The following GAS7 variants were observed in gnomAD, a reference collection of about 807,000 sequenced individuals.
GAS7 encodes the protein growth arrest specific 7, also known as growth arrest-specific protein 7.
GAS7 carries 28 observed loss-of-function variants against 71.1 expected under a neutral mutation model. The ratio of observed to expected loss-of-function variants is 0.39; its 90% confidence interval spans 0.29 to 0.54. The LOEUF (loss-of-function observed/expected upper bound fraction) is 0.54. Ranked by LOEUF, GAS7 falls within the 20% of genes least tolerant of loss-of-function variation. GAS7 has a pLI of 0.62. For missense variants in GAS7, 436 were observed against 627.8 expected, an observed-to-expected ratio of 0.69 and a Z score of 3.27; for synonymous variants, 258 against 245.8, an observed-to-expected ratio of 1.05 and a Z score of -0.46.
intron 1 of GAS7, among the ~76,000 whole-genome samples, chr17:10,164,316 C>T (rs1214823419): frequency 6.6e-6 from 1 of 151,748 alleles, no homozygotes. Flanking sequence ...GTGGTGCGCG[C>T]TTGTAGTCCC....
rs2067566975 is a variant in GAS7, at chr17:9,915,785, C to T, written c.*1443G>A. On this transcript the variant is annotated 3_prime_UTR_variant, in exon 14 of 14. Transcript: ENST00000432992. ...GATGGATTTCCAGGGCATGGGCTCCCGACTAGAATCTGCCCCTCGCTCATG... is the reference window on the plus strand; with the variant it reads ...GATGGATTTCCAGGGCATGGGCTCCTGACTAGAATCTGCCCCTCGCTCATG... 4 of 231,068 alleles carry T rather than the reference C, an allele frequency of 1.7e-5. No individual in the cohort carries two copies. The highest frequency in any genetic ancestry group is 1.2e-4 in the East Asian group (2 of 16,344). 14.3% of individuals were successfully genotyped at this position (231,068 alleles called of 1,614,324 possible). A position where few individuals can be genotyped will look rare whatever the true frequency, so the allele number is the denominator to read the frequency against.
chr17:9,955,832 C>T (rs1597537250), intron 5 of GAS7, among the ~76,000 whole-genome samples: 3 of 152,202 alleles, frequency 2.0e-5, no homozygotes, highest in South Asian at 4.1e-4. Context: ...AACAAAGCCG[C>T]GTCTTCGCTC....
chr17:10,045,836 G>A (rs1384168475), intron 1 of GAS7, among the ~76,000 whole-genome samples: 6 of 152,094 alleles, frequency 3.9e-5, no homozygotes, highest in African/African-American at 1.4e-4. Flanking sequence ...GTGACACCTT[G>A]TTCCATCCAT....
chr17:9,940,175 T>A lies in GAS7; in HGVS notation c.757A>T (p.Lys253Ter), dbSNP rs1374776659. ...ERIKIEEDYA[K>*]NLAKLSQNSL... ...TTCTGAGAGAGCTTAGCTAAGTTCTTCGCATAGTCTTCTTCAATCTTTATC... is the reference window on the plus strand; with the variant it reads ...TTCTGAGAGAGCTTAGCTAAGTTCTACGCATAGTCTTCTTCAATCTTTATC... Residue 253 changes from lysine (K) to a stop codon, truncating the protein, a stop_gained, in exon 8 of 14, where the codon AAG becomes TAG. Transcript: ENST00000432992. LOFTEE classifies it high-confidence loss of function. The A allele has an allele frequency of 6.2e-7, 1 of 1,612,908 alleles. No homozygotes were observed. Among genetic ancestry groups the A allele is most frequent in the Non-Finnish European group, 8.5e-7 (1 of 1,178,976 alleles).
intron 1 of GAS7, among the ~76,000 whole-genome samples, chr17:10,102,557 G>A (rs758661323): frequency 2.5e-4 from 38 of 152,080 alleles, no homozygotes; most frequent in Non-Finnish European, 5.6e-4. Flanking sequence ...ACGTTCTAGG[G>A]GCAGCCCTGC....
chr17:10,196,784 A>T (rs1002463013), intron 1 of GAS7, among the ~76,000 whole-genome samples: 1 of 152,224 alleles, frequency 6.6e-6, no homozygotes, highest in East Asian at 1.9e-4. Context: ...CAGGGCTTCA[A>T]GCTAGAAACA....
intron 11 of GAS7, among the ~76,000 whole-genome samples, chr17:9,923,585 G>A (rs1420288619): frequency 6.6e-6 from 1 of 152,134 alleles, no homozygotes; most frequent in East Asian, 1.9e-4. Flanking sequence ...ATGGAGAAAA[G>A]CAAATTAAAA....
chr17:10,178,555 C>T (rs1051170369), intron 1 of GAS7, among the ~76,000 whole-genome samples: 2 of 152,028 alleles, frequency 1.3e-5, no homozygotes, highest in African/African-American at 4.8e-5. Flanking sequence ...CTGTCTCATA[C>T]CTCTCCTGTG....
intron 1 of GAS7, among the ~76,000 whole-genome samples, chr17:10,094,224 T>C (rs2073618021): frequency 6.6e-6 from 1 of 152,250 alleles, no homozygotes; most frequent in South Asian, 2.1e-4. Context: ...GCTGAGCAGC[T>C]GTGCCCTGTG....
chr17:10,076,867 A>C (rs117921882), intron 1 of GAS7, among the ~76,000 whole-genome samples: 2 of 152,170 alleles, frequency 1.3e-5, no homozygotes, highest in African/African-American at 2.4e-5. Flanking sequence ...TCAAGCCTGC[A>C]ATGGACTTGA....
intron 6 of GAS7, 105 bp downstream of exon 6, chr17:9,946,789 G>A (rs560852508): frequency 8.8e-6 from 6 of 679,058 alleles, no homozygotes; most frequent in South Asian, 5.3e-5. Flanking sequence ...ACGCTCCAAC[G>A]AGAAAGGCCC....
chr17:10,065,529 TC>T (rs2073272896), intron 1 of GAS7, among the ~76,000 whole-genome samples: 1 of 152,062 alleles, frequency 6.6e-6, no homozygotes, highest in South Asian at 2.1e-4. Flanking sequence ...AAATCCTACT[TC>T]CCCAATCATA....
chr17:10,063,674 A>G (rs868771149), intron 1 of GAS7, among the ~76,000 whole-genome samples: 2 of 152,104 alleles, frequency 1.3e-5, no homozygotes, highest in East Asian at 1.9e-4. Context: ...TGCTAACAAG[A>G]TACGACACTG....
chr17:10,174,545 A>C (rs2142134978), intron 1 of GAS7, among the ~76,000 whole-genome samples: 1 of 152,168 alleles, frequency 6.6e-6, no homozygotes, highest in African/African-American at 2.4e-5. Flanking sequence ...ACAAAAAATT[A>C]GCCGGGCGCA....
chr17:10,154,150 C>T (rs891500269), intron 1 of GAS7, among the ~76,000 whole-genome samples: 3 of 151,994 alleles, frequency 2.0e-5, no homozygotes, highest in Non-Finnish European at 2.9e-5. Context: ...AATATAAATG[C>T]TGGTTAACTG....
intron 1 of GAS7, among the ~76,000 whole-genome samples, chr17:10,047,057 C>T (rs1295588727): frequency 2.0e-5 from 3 of 152,046 alleles, no homozygotes; most frequent in Non-Finnish European, 4.4e-5. Context: ...AGCAGCCAGC[C>T]CTCTCCTCTC....
chr17:10,005,143 ACGCATGCATGCATGTGTGTGCG>A (rs55955031), intron 2 of GAS7, among the ~76,000 whole-genome samples: 7 of 72,940 alleles, frequency 9.6e-5, no homozygotes, highest in East Asian at 1.8e-3. Flanking sequence ...GTGTGCGCGC[ACGCATGCATGCATGTGTGTGCG>A]CACGCATGCA....
At chr17:9,972,149 C>G (rs1243466269) in intron 3 of GAS7, among the ~76,000 whole-genome samples, 3 of 152,220 alleles carry the variant, frequency 2.0e-5, no homozygotes, top group Non-Finnish European at 4.4e-5. Flanking sequence ...CAAGAAACAA[C>G]AAATCCACCC....
At chr17:9,934,477 C>T (rs991769398) in intron 8 of GAS7, among the ~76,000 whole-genome samples, 1 of 151,960 alleles carries the variant, frequency 6.6e-6, no homozygotes, top group Non-Finnish European at 1.5e-5. Flanking sequence ...AGGAAACAGA[C>T]TGTGGCGCAC....
Sources: allele counts gnomAD v4.1 joint callset (sites outside exome capture counted in the v4.1 genomes callset), GRCh38; gene constraint gnomAD v4.1.1; transcripts MANE v1.5; gene names NCBI Gene and HGNC (gene_info 2026-07-23, HGNC 2026-07-21).